CAMTA1: variants seen among roughly 807,000 people sequenced by gnomAD.
CAMTA1 encodes the protein calmodulin binding transcription activator 1, also known as calmodulin-binding transcription activator 1.
Under a neutral mutation model 170.9 loss-of-function variants are expected in CAMTA1, and 27 were observed. The observed-to-expected ratio is 0.16, with a 90% CI of 0.12 to 0.22. The LOEUF is 0.22. CAMTA1 is among the 10% of genes least tolerant of loss of function. The probability of loss-of-function intolerance (pLI) is 1.00; values close to 1 mark genes in which losing one functional copy is unlikely to be tolerated. For synonymous variants in CAMTA1, 833 were observed against 891.5 expected (o/e 0.93, Z 1.17); for missense variants, 1,619 against 2,217.2 (o/e 0.73, Z 5.42).
At chr1:7,057,260 G>A (rs757197303) in intron 3 of CAMTA1, among the ~76,000 whole-genome samples, 1 of 152,282 alleles carries the variant, frequency 6.6e-6, no homozygotes, top group Non-Finnish European at 1.5e-5. Flanking sequence ...ACATGTGCGC[G>A]GCGAGCTCCC....
rs1334744780 is a variant in CAMTA1, at chr1:7,674,589, A to G, written c.2780-3010A>G. 6.6e-6 allele frequency among the ~76,000 whole-genome samples: 1 copy of G among 151,706 alleles called. No homozygotes were observed. ...AAGTCAGGAGTTCGAGACCAGCCTG[A>G]CCGACATGGTGAAACCCCGTCTCTA... is the stretch of plus-strand genomic sequence containing the variant. On this transcript the variant is annotated intron_variant, in intron 10 of 22. Coordinates refer to ENST00000303635, the MANE Select transcript of CAMTA1 (RefSeq NM_015215.4). This position sits in a 1 kb window ranked among gnomAD's most constrained non-coding sequence, Gnocchi z 4.1.
intron 7 of CAMTA1, among the ~76,000 whole-genome samples, chr1:7,652,752 C>A (rs1300960833): frequency 6.6e-6 from 1 of 152,036 alleles, no homozygotes; most frequent in East Asian, 1.9e-4. Flanking sequence ...GATGGGGTCG[C>A]TTTTCTCCTC....
chr1:7,120,259 A>G (rs1260281769), intron 4 of CAMTA1, among the ~76,000 whole-genome samples: 1 of 152,144 alleles, frequency 6.6e-6, no homozygotes, highest in Non-Finnish European at 1.5e-5. Context: ...CTCTGCTTCA[A>G]TGTCCCTCAT....
intron 6 of CAMTA1, among the ~76,000 whole-genome samples, chr1:7,479,227 G>A (rs1400252150): frequency 1.3e-5 from 2 of 152,214 alleles, no homozygotes; most frequent in Admixed American, 6.5e-5. Flanking sequence ...ATTCCCACGG[G>A]AGACACACCA....
At chr1:7,354,395 C>G (rs530916930) in intron 5 of CAMTA1, among the ~76,000 whole-genome samples, 3 of 151,308 alleles carry the variant, frequency 2.0e-5, no homozygotes, top group African/African-American at 2.4e-5. Context: ...GTGATCCGCC[C>G]GCCTCGGCCT....
chr1:7,438,890 C>G (rs1195894012), intron 5 of CAMTA1, among the ~76,000 whole-genome samples: 1 of 152,222 alleles, frequency 6.6e-6, no homozygotes, highest in Non-Finnish European at 1.5e-5. Context: ...CCAGTGTCCA[C>G]CTCCATATCA....
At chr1:7,159,757 A>T (rs182485322) in intron 4 of CAMTA1, among the ~76,000 whole-genome samples, 1 of 152,248 alleles carries the variant, frequency 6.6e-6, no homozygotes, top group Admixed American at 6.5e-5. Flanking sequence ...TGTGTTGCAC[A>T]GGCTGTTCCC....
rs1668567632 is a variant in CAMTA1, at chr1:6,872,155, A to G, written c.234+46945A>G. On this transcript the variant is annotated intron_variant, in intron 3 of 22. Coordinates refer to ENST00000303635, the MANE Select transcript of CAMTA1 (RefSeq NM_015215.4). Reference sequence around the variant, plus strand: ...ATTTACGTATAACTTACACACACCCAGGACACCCATACCTCTTCTCTACTC... The same window carrying G: ...ATTTACGTATAACTTACACACACCCGGGACACCCATACCTCTTCTCTACTC... 1.7e-5 allele frequency: 4 copies of G among 236,314 alleles called. No homozygotes were observed. The South Asian group carries it at 3.3e-4, about 20-fold the overall frequency. 14.6% of individuals were successfully genotyped at this position (236,314 alleles called of 1,614,324 possible).
intron 5 of CAMTA1, among the ~76,000 whole-genome samples, chr1:7,396,964 T>C (rs2089364175): frequency 6.6e-6 from 1 of 152,194 alleles, no homozygotes; most frequent in Admixed American, 6.5e-5. Context: ...TTCTTTTCTG[T>C]GTGAGTGTGT....
At chr1:7,616,353 T>G (rs1318047568) in intron 6 of CAMTA1, among the ~76,000 whole-genome samples, 1 of 152,378 alleles carries the variant, frequency 6.6e-6, no homozygotes, top group Non-Finnish European at 1.5e-5. Flanking sequence ...CGCTGCTCAC[T>G]CTGTTCTTGA....
chr1:7,247,443 G>A (rs1193776326), intron 4 of CAMTA1, among the ~76,000 whole-genome samples: 1 of 152,186 alleles, frequency 6.6e-6, no homozygotes, highest in East Asian at 1.9e-4. Flanking sequence ...GGCAAGGGAT[G>A]GAACAAATCA....
Position 7,673,047 on chromosome 1 carries a change from G to A in CAMTA1, c.2779+2010G>A, listed in dbSNP as rs1178908142. On this transcript the variant is annotated intron_variant, in intron 10 of 22. Transcript: ENST00000303635. The surrounding 1 kb of genome is among the most constrained non-coding windows in gnomAD (Gnocchi z 4.6). ...CGGCCCGGCGGGAGTGGCGGGGAGG[G>A]CACTGTGGAATTAAACAGTGCACCC... Among the ~76,000 whole-genome samples, 5 of 152,162 alleles carry A rather than the reference G, an allele frequency of 3.3e-5. No homozygotes were observed. The highest frequency in any genetic ancestry group is 5.9e-5 in the Non-Finnish European group (4 of 68,030).
At chr1:7,223,357 CGTAT>C (rs1404653978) in intron 4 of CAMTA1, among the ~76,000 whole-genome samples, 2 of 151,616 alleles carry the variant, frequency 1.3e-5, no homozygotes, top group Non-Finnish European at 2.9e-5. Flanking sequence ...TGATTGTGTG[CGTAT>C]GTGTGTGAGT....
At chr1:7,155,871 G>A (rs1215241161) in intron 4 of CAMTA1, among the ~76,000 whole-genome samples, 4 of 152,174 alleles carry the variant, frequency 2.6e-5, no homozygotes, top group African/African-American at 9.7e-5. Flanking sequence ...TGTGGGTGAT[G>A]CTGATTTCTA....
At position 6,807,126 on chromosome 1, in the gene CAMTA1, G is replaced by A. The variant is rs527277460; in HGVS notation, c.46-13055G>A. On this transcript the variant is annotated intron_variant, in intron 1 of 22. Transcript: ENST00000303635. ...TGTCATAAAGGGATTTGACTAATCT[G>A]CAAGGTTGGGGGAGGCTTCTTGAGA... 2.0e-4 allele frequency: 110 copies of A among 537,260 alleles called. 1 individual carries two copies. The highest frequency in any genetic ancestry group is 2.0e-3 in the African/African-American group (105 of 53,308). 33.3% of individuals were successfully genotyped at this position (537,260 alleles called of 1,614,324 possible).
intron 6 of CAMTA1, among the ~76,000 whole-genome samples, chr1:7,626,049 C>T (rs965501002): frequency 1.3e-5 from 2 of 152,224 alleles, no homozygotes; most frequent in Non-Finnish European, 2.9e-5. Flanking sequence ...GTCACTCCTT[C>T]AAGACATAAA....
chr1:7,177,948 G>A (rs1376273267), intron 4 of CAMTA1, among the ~76,000 whole-genome samples: 2 of 143,982 alleles, frequency 1.4e-5, no homozygotes, highest in South Asian at 2.3e-4. Context: ...CTCCACACAC[G>A]GAGGCTCCTC....
At chr1:7,241,552 T>C (rs992700483) in intron 4 of CAMTA1, among the ~76,000 whole-genome samples, 4 of 152,206 alleles carry the variant, frequency 2.6e-5, no homozygotes, top group Non-Finnish European at 5.9e-5. Flanking sequence ...TCAAAACTTA[T>C]TATAAAGCTG....
intron 6 of CAMTA1, among the ~76,000 whole-genome samples, chr1:7,530,793 T>C (rs889206804): frequency 8.7e-5 from 13 of 149,430 alleles, no homozygotes; most frequent in Non-Finnish European, 1.8e-4. Flanking sequence ...CTAAAGTATG[T>C]CCAGCACTGT....
Sources: gnomAD v4.1 joint callset for allele counts (sites outside exome capture counted in the v4.1 genomes callset) on GRCh38, gnomAD v4.1.1 for gene constraint, Gnocchi (gnomAD v3.1) non-coding constraint, MANE v1.5 for transcripts, NCBI Gene and HGNC (gene_info 2026-07-23, HGNC 2026-07-21) for gene names.